Variants in ARHGEF10 observed in about 807,000 individuals in gnomAD.
ARHGEF10 encodes the protein Rho guanine nucleotide exchange factor 10, also known as Rho guanine nucleotide exchange factor (GEF) 10.
Under a neutral mutation model 147.4 loss-of-function variants are expected in ARHGEF10, and 140 were observed. The ratio of observed to expected loss-of-function variants is 0.95; its 90% confidence interval spans 0.83 to 1.09. The LOEUF is 1.09. Ranked by LOEUF, ARHGEF10 falls within the 50% of genes least tolerant of loss-of-function variation. ARHGEF10 has a pLI of 0.00. For synonymous variants in ARHGEF10, 902 were observed against 695.8 expected (o/e 1.30, Z -4.67); for missense variants, 2,222 against 1,752.7 (o/e 1.27, Z -4.78).
rs1359813232 is a variant in ARHGEF10, at chr8:1,888,130, T to TTTGCGAGGAGACACTTAGTGGGGCGAGGG, written c.1182+2437_1182+2465dup. On this transcript the variant is annotated intron_variant, in intron 11 of 28. Transcript: ENST00000349830. ...GAGGAGACACTTAGTGGGGTGAGGGTTTGCGAGGAGACACTTAGTGGGGCG... is the reference window on the plus strand; with the variant it reads ...GAGGAGACACTTAGTGGGGTGAGGGTTTGCGAGGAGACACTTAGTGGGGCGAGGGTTGCGAGGAGACACTTAGTGGGGCG... Among the ~76,000 whole-genome samples, 19 of 29,012 alleles carry TTTGCGAGGAGACACTTAGTGGGGCGAGGG rather than the reference T, an allele frequency of 6.5e-4. 2 individuals carry two copies. The highest frequency in any genetic ancestry group is 3.5e-3 in the African/African-American group (7 of 2,004). 19.0% of individuals were successfully genotyped at this position (29,012 alleles called of 152,430 possible). A position where few individuals can be genotyped will look rare whatever the true frequency, so the allele number is the denominator to read the frequency against.
At chr8:1,827,533 C>T (rs542771952) in intron 1 of ARHGEF10, among the ~76,000 whole-genome samples, 52 of 152,196 alleles carry the variant, frequency 3.4e-4, no homozygotes, top group African/African-American at 1.0e-3. Context: ...CTTGAACTCC[C>T]GACCTCAAGT....
chr8:1,830,882 A>G (rs924743559), intron 1 of ARHGEF10, among the ~76,000 whole-genome samples: 3 of 152,218 alleles, frequency 2.0e-5, no homozygotes, highest in African/African-American at 7.2e-5. Flanking sequence ...CTGAAATGCC[A>G]CTGGAGCCGA....
chr8:1,846,666 T>C (rs1030529997), intron 2 of ARHGEF10, among the ~76,000 whole-genome samples: 6 of 152,132 alleles, frequency 3.9e-5, no homozygotes, highest in Admixed American at 1.3e-4. Flanking sequence ...CAACCTCCAC[T>C]TCCCGGGTTC....
In ARHGEF10 at chr8:1,957,316, G is replaced by A. The variant is rs991010536; in HGVS notation, c.*53G>A. 8.9e-6 allele frequency: 14 copies of A among 1,579,418 alleles called. No individual in the cohort carries two copies. The African/African-American group carries it at 1.9e-4, about 21-fold the overall frequency. ...ATTTGCAATCAAGGGTGACTTCTCA[G>A]CTAATCCTACAGCCTGAGTGGTTAA... On this transcript the variant is annotated 3_prime_UTR_variant, in exon 29 of 29. Transcript: ENST00000349830.
chr8:1,862,240 G>T (rs1023151569), intron 4 of ARHGEF10, among the ~76,000 whole-genome samples: 3 of 152,236 alleles, frequency 2.0e-5, no homozygotes, highest in African/African-American at 2.4e-5. Flanking sequence ...CGGGGCGGCC[G>T]CCTGGCTCTG....
chr8:1,841,054 A>G (rs111885160), intron 1 of ARHGEF10, among the ~76,000 whole-genome samples: 1 of 152,144 alleles, frequency 6.6e-6, no homozygotes, highest in Non-Finnish European at 1.5e-5. Context: ...GGGCAAGGAC[A>G]TGCCGTCGGG....
At chr8:1,893,526 T>C (rs368765486) in intron 11 of ARHGEF10, 43 bp from the exon 12 acceptor site, 77 of 1,305,542 alleles carry the variant, frequency 5.9e-5, no homozygotes, top group Non-Finnish European at 7.9e-5. Flanking sequence ...CTGTGTGTAT[T>C]ATAAAGCAGT....
At chr8:1,884,780 T>C (rs151005420) in intron 10 of ARHGEF10, among the ~76,000 whole-genome samples, 195 of 152,328 alleles carry the variant, frequency 1.3e-3, no homozygotes, top group African/African-American at 3.6e-3. Flanking sequence ...TTCTTGTTTT[T>C]TAGAGACAGG....
chr8:1,888,332 CTGT>C (rs1808960753), intron 11 of ARHGEF10, among the ~76,000 whole-genome samples: 3 of 46,594 alleles, frequency 6.4e-5, no homozygotes, highest in African/African-American at 3.0e-4. Context: ...GGGATGTTGA[CTGT>C]GAGGAGACAC....
rs1418792487 is a variant in ARHGEF10, at chr8:1,905,672, C to G, written c.1923C>G (p.Val641=). The G allele has an allele frequency of 6.2e-7, 1 of 1,614,176 alleles. No homozygotes were observed. Among genetic ancestry groups the G allele is most frequent in the South Asian group, 1.1e-5 (1 of 91,080 alleles). Residue 641 remains valine (V), a synonymous_variant, in exon 17 of 29, where the codon GTC becomes GTG. Transcript: ENST00000349830. ...TTGTTAAAACCAAAGAACGCCGAGT[C>G]TTCATGTTAAATGATGTGTTAATGT... is the stretch of plus-strand genomic sequence containing the variant. The part of the protein sequence containing the change: ...GEIVKTKERR[V]FMLNDVLMCA...
Position 1,925,447 on chromosome 8 carries a change from C to T in ARHGEF10, c.2610+43C>T, listed in dbSNP as rs200315345. The T allele has an allele frequency of 2.4e-5, 38 of 1,611,226 alleles. No homozygotes were observed. In the Admixed American group the frequency reaches 3.3e-4, roughly 14 times the overall value. On this transcript the variant is annotated intron_variant, in intron 22 of 28. Transcript: ENST00000349830. ...CCGCGGCCCGGGGTGGGACGCACCT[C>T]GCAGCTCTGAATGGGCCACTTGGGA...
intron 2 of ARHGEF10, among the ~76,000 whole-genome samples, chr8:1,851,078 C>T (rs1805099344): frequency 1.3e-5 from 2 of 152,166 alleles, no homozygotes; most frequent in Non-Finnish European, 2.9e-5. Flanking sequence ...TTTAGGGCCA[C>T]GAAATTCCTT....
intron 18 of ARHGEF10, among the ~76,000 whole-genome samples, chr8:1,913,221 C>T (rs571471250): frequency 2.6e-5 from 4 of 152,244 alleles, no homozygotes; most frequent in Admixed American, 1.3e-4. Flanking sequence ...TCTAGCCGGG[C>T]TCTGGCCTTC....
At chr8:1,901,507 G>A (rs117986752) in intron 15 of ARHGEF10, among the ~76,000 whole-genome samples, 1,744 of 152,332 alleles carry the variant, frequency 0.011, 12 homozygotes, top group Non-Finnish European at 0.018. Flanking sequence ...TGTGACATTT[G>A]TCTTTATCCC....
intron 11 of ARHGEF10, among the ~76,000 whole-genome samples, chr8:1,893,055 C>G (rs1162068173): frequency 1.5e-5 from 2 of 133,798 alleles, no homozygotes; most frequent in Non-Finnish European, 3.0e-5. Flanking sequence ...CATTCTTGGC[C>G]TCATAGGTAG....
intron 23 of ARHGEF10, among the ~76,000 whole-genome samples, chr8:1,927,823 C>A (rs1248099475): frequency 6.6e-6 from 1 of 152,290 alleles, no homozygotes. Context: ...AGCCTATAGT[C>A]CCAGTTTCTC....
At chr8:1,920,152 T>G (rs902840954) in intron 18 of ARHGEF10, among the ~76,000 whole-genome samples, 3 of 151,488 alleles carry the variant, frequency 2.0e-5, no homozygotes, top group Admixed American at 6.6e-5. Context: ...GAGTTCTCCC[T>G]CAGGCTTACT....
At chr8:1,929,779 C>G (rs1393791329) in intron 25 of ARHGEF10, among the ~76,000 whole-genome samples, 2 of 152,184 alleles carry the variant, frequency 1.3e-5, no homozygotes, top group African/African-American at 2.4e-5. Flanking sequence ...GCAGCCTGCC[C>G]GCCCGGCGGG....
intron 4 of ARHGEF10, among the ~76,000 whole-genome samples, chr8:1,860,858 G>A (rs1176460519): frequency 6.6e-6 from 1 of 152,072 alleles, no homozygotes; most frequent in South Asian, 2.1e-4. Context: ...CGTGTGTCTC[G>A]CTGTCTTCAT....
Sources: gnomAD v4.1 joint callset for allele counts (sites outside exome capture counted in the v4.1 genomes callset) on GRCh38, gnomAD v4.1.1 for gene constraint, MANE v1.5 for transcripts, NCBI Gene and HGNC (gene_info 2026-07-23, HGNC 2026-07-21) for gene names.